Variants in NEBL observed in about 807,000 individuals in gnomAD.
NEBL encodes LIM and SH3 protein 2.
A neutral mutation model predicts 140.2 loss-of-function variants in NEBL; 122 were observed. The observed-to-expected ratio is 0.87, with a 90% CI of 0.75 to 1.01. The LOEUF is 1.01. Ranked by LOEUF, NEBL falls within the 50% of genes least tolerant of loss-of-function variation. NEBL has a pLI of 0.00. For synonymous variants in NEBL, 436 were observed against 398.9 expected, an observed-to-expected ratio of 1.09 and a Z score of -1.11; for missense variants, 1,365 against 1,231.3, an observed-to-expected ratio of 1.11 and a Z score of -1.62.
chr10:20,834,908 A>G (rs1405902997), intron 14 of NEBL, among the ~76,000 whole-genome samples: 1 of 152,186 alleles, frequency 6.6e-6, no homozygotes, highest in Non-Finnish European at 1.5e-5. Flanking sequence ...CTGTCACAGA[A>G]TTTAAGACAA....
intron 2 of NEBL, among the ~76,000 whole-genome samples, chr10:21,169,401 C>A (rs1840980377): frequency 6.6e-6 from 1 of 151,926 alleles, no homozygotes; most frequent in African/African-American, 2.4e-5. Flanking sequence ...CAATTTTCTA[C>A]CATTGACCCG....
chr10:20,948,572 A>C (rs925831573), intron 4 of NEBL, among the ~76,000 whole-genome samples: 2 of 152,224 alleles, frequency 1.3e-5, no homozygotes, highest in Non-Finnish European at 2.9e-5. Flanking sequence ...GACAAGAACA[A>C]GTTTTGGAGA....
At chr10:21,237,652 G>A (rs1842375410) in intron 3 of NEBL, among the ~76,000 whole-genome samples, 1 of 151,144 alleles carries the variant, frequency 6.6e-6, no homozygotes, top group Non-Finnish European at 1.5e-5. Flanking sequence ...TGTCACCCAG[G>A]CTGGAGGGCA....
At chr10:21,018,224 G>A (rs1161163414) in intron 3 of NEBL, among the ~76,000 whole-genome samples, 2 of 152,204 alleles carry the variant, frequency 1.3e-5, no homozygotes, top group South Asian at 2.1e-4. Flanking sequence ...ATGAAGGGAA[G>A]AGAAACTAAT....
intron 3 of NEBL, among the ~76,000 whole-genome samples, chr10:20,974,476 G>A (rs1472853058): frequency 2.0e-5 from 3 of 151,902 alleles, no homozygotes; most frequent in Non-Finnish European, 2.9e-5. Context: ...GAACTCCTGA[G>A]GTGGGCAAGT....
At chr10:20,799,672 C>A (rs180898865) in intron 26 of NEBL, among the ~76,000 whole-genome samples, 28 of 152,194 alleles carry the variant, frequency 1.8e-4, no homozygotes, top group Admixed American at 2.6e-4. Flanking sequence ...GTCAGGCTAG[C>A]AAGGAGTTGG....
chr10:21,163,633 T>A (rs1309319301), intron 2 of NEBL, among the ~76,000 whole-genome samples: 1 of 152,234 alleles, frequency 6.6e-6, no homozygotes, highest in African/African-American at 2.4e-5. Flanking sequence ...GTTCTCTGTG[T>A]TTGGTTGCAC....
chr10:21,186,060 C>G (rs1400248193), intron 3 of NEBL, among the ~76,000 whole-genome samples: 1 of 152,070 alleles, frequency 6.6e-6, no homozygotes, highest in Non-Finnish European at 1.5e-5. Context: ...ATTTGTACCT[C>G]TCTAATTTCC....
chr10:21,227,724 TTCTTCTTC>T (rs1842183424), intron 3 of NEBL, among the ~76,000 whole-genome samples: 57 of 88,230 alleles, frequency 6.5e-4, no homozygotes, highest in African/African-American at 2.5e-3. Context: ...CTTCTTCTTC[TTCTTCTTC>T]TTCTTCTTCT....
At chr10:21,118,656 T>C (rs1318268572) in intron 2 of NEBL, among the ~76,000 whole-genome samples, 1 of 152,198 alleles carries the variant, frequency 6.6e-6, no homozygotes, top group Non-Finnish European at 1.5e-5. Context: ...TAGATGTATT[T>C]AGACACTGTT....
chr10:21,012,543 AT>A (rs920924804), intron 3 of NEBL, among the ~76,000 whole-genome samples: 1,857 of 149,594 alleles, frequency 0.012, 38 homozygotes, highest in African/African-American at 0.041. Context: ...TTTATTTGTT[AT>A]TTTTTTTTGG....
chr10:21,264,666 T>C (rs1842777748), intron 1 of NEBL, among the ~76,000 whole-genome samples: 2 of 126,844 alleles, frequency 1.6e-5, no homozygotes, highest in South Asian at 2.5e-4. Flanking sequence ...CTGGAAAGCA[T>C]TGGTCCCTTA....
chr10:21,264,930 A>AT (rs1414320421), intron 1 of NEBL, among the ~76,000 whole-genome samples: 3 of 151,262 alleles, frequency 2.0e-5, no homozygotes, highest in Non-Finnish European at 2.9e-5. Flanking sequence ...CTTTTATTTT[A>AT]TTTTATTTTT....
intron 4 of NEBL, among the ~76,000 whole-genome samples, chr10:20,886,725 G>C (rs991414850): frequency 6.6e-6 from 1 of 152,064 alleles, no homozygotes; most frequent in African/African-American, 2.4e-5. Flanking sequence ...TCAGTGCTTC[G>C]GTCTCCACAA....
intron 3 of NEBL, among the ~76,000 whole-genome samples, chr10:21,227,711 T>TTCTTC (rs1456600511): frequency 4.0e-3 from 186 of 46,214 alleles, no homozygotes; most frequent in Non-Finnish European, 4.7e-3. Context: ...CTTCTTCTTC[T>TTCTTC]TTCTTCTTCT....
At chr10:21,121,257 C>A (rs1838560406) in intron 2 of NEBL, among the ~76,000 whole-genome samples, 1 of 152,148 alleles carries the variant, frequency 6.6e-6, no homozygotes, top group South Asian at 2.1e-4. Context: ...GAGCCCTTAA[C>A]ACTGTATAAC....
In NEBL at chr10:21,279,076, T is replaced by G. The variant is rs577511648; in HGVS notation, n.182+13754A>C. Reference sequence around the variant, plus strand: ...TACAGAGGCGGGCAGAATTTCTCTGTGTGGGCTGGATATTTACTATTTAGG... The same window carrying G: ...TACAGAGGCGGGCAGAATTTCTCTGGGTGGGCTGGATATTTACTATTTAGG... On this transcript the variant is annotated intron_variant and non_coding_transcript_variant, in intron 1 of 8. Transcript: ENST00000675702. Among the ~76,000 whole-genome samples the G allele has an allele frequency of 7.9e-5, 12 of 152,240 alleles. No homozygotes were observed. In the South Asian group the frequency reaches 2.5e-3, roughly 32 times the overall value.
intron 23 of NEBL, 42 bp downstream of exon 23, chr10:20,813,897 C>G (rs1322906991): frequency 1.6e-6 from 2 of 1,256,222 alleles, no homozygotes; most frequent in East Asian, 4.6e-5. Context: ...TGGATCCGCC[C>G]ATTCCTTAGC....
intron 26 of NEBL, among the ~76,000 whole-genome samples, chr10:20,793,147 T>C (rs1240423510): frequency 6.6e-6 from 1 of 152,160 alleles, no homozygotes; most frequent in African/African-American, 2.4e-5. Context: ...AAGCTCTGAA[T>C]AGGGAAGTGC....
Sources: allele counts gnomAD v4.1 joint callset (sites outside exome capture counted in the v4.1 genomes callset), GRCh38; gene constraint gnomAD v4.1.1; transcripts MANE v1.5; gene names NCBI Gene and HGNC (gene_info 2026-07-23, HGNC 2026-07-21).